The following UMAD1 variants were observed in gnomAD, a reference collection of about 807,000 sequenced individuals.
UMAD1 encodes the protein UBAP1-MVB12-associated (UMA)-domain containing protein 1.
In UMAD1, 8 loss-of-function variants were observed where a neutral mutation model predicts 6.1. The observed-to-expected ratio is 1.30, with a 90% CI of 0.76 to 2.35. UMAD1 has a LOEUF of 2.35. UMAD1 is among the 30% of genes most tolerant of loss of function. The pLI is 0.00. For synonymous variants in UMAD1, 56 were observed against 31.4 expected, an observed-to-expected ratio of 1.78 and a Z score of -2.61; for missense variants, 130 against 78.4, an observed-to-expected ratio of 1.66 and a Z score of -2.49.
intron 1 of UMAD1, among the ~76,000 whole-genome samples, chr7:7,653,136 T>C (rs28916271): frequency 0.064 from 9,711 of 152,314 alleles, 412 homozygotes; most frequent in Middle Eastern, 0.13. Flanking sequence ...CTGAATTCTT[T>C]TGCAGGGTGT....
intron 2 of UMAD1, among the ~76,000 whole-genome samples, chr7:7,704,907 A>G (rs1441402555): frequency 5.3e-5 from 8 of 152,140 alleles, no homozygotes; most frequent in Non-Finnish European, 1.5e-5. Context: ...AAATAGGCCT[A>G]GAAGATGGGC....
At chr7:7,817,755 C>G (rs1207057824) in intron 3 of UMAD1, among the ~76,000 whole-genome samples, 2 of 152,138 alleles carry the variant, frequency 1.3e-5, no homozygotes, top group Non-Finnish European at 2.9e-5. Flanking sequence ...GCATCCGTTC[C>G]TGACTAAAGA....
chr7:7,731,571 C>T (rs1016199730), intron 2 of UMAD1, among the ~76,000 whole-genome samples: 3 of 150,420 alleles, frequency 2.0e-5, no homozygotes, highest in East Asian at 1.9e-4. Context: ...AGAATTATGC[C>T]AAAGACTCAT....
chr7:7,673,253 G>T, intron 1 of UMAD1, 56 bp from the exon 2 acceptor site: 1 of 1,012,392 alleles, frequency 9.9e-7, no homozygotes, highest in Non-Finnish European at 1.5e-6. Context: ...TGCTAAAAAG[G>T]GTAAGAGTTT....
intron 2 of UMAD1, among the ~76,000 whole-genome samples, chr7:7,732,493 G>C (rs192694456): frequency 6.6e-6 from 1 of 152,170 alleles, no homozygotes; most frequent in Admixed American, 6.5e-5. Flanking sequence ...TTGTATTTAT[G>C]ACAGAAAAAA....
chr7:7,804,832 T>G (rs1343996765), intron 3 of UMAD1, among the ~76,000 whole-genome samples: 1 of 151,156 alleles, frequency 6.6e-6, no homozygotes, highest in African/African-American at 2.4e-5. Flanking sequence ...ATACAAAAAA[T>G]TAGCTGGGCA....
intron 2 of UMAD1, among the ~76,000 whole-genome samples, chr7:7,713,312 C>T (rs1295249346): frequency 6.6e-6 from 1 of 151,992 alleles, no homozygotes; most frequent in Non-Finnish European, 1.5e-5. Context: ...CCACTGCACT[C>T]CAGCCTGGGT....
intron 3 of UMAD1, among the ~76,000 whole-genome samples, chr7:7,847,490 T>C (rs1394568431): frequency 1.3e-5 from 2 of 151,992 alleles, no homozygotes; most frequent in African/African-American, 4.8e-5. Context: ...CAGATTTCAG[T>C]TGAAACCTCC....
At chr7:7,872,704 A>G (rs1377671297) in intron 3 of UMAD1, among the ~76,000 whole-genome samples, 1 of 152,248 alleles carries the variant, frequency 6.6e-6, no homozygotes, top group African/African-American at 2.4e-5. Flanking sequence ...ACCGTAAAGC[A>G]AAGTGCAATA....
At chr7:7,797,356 A>G (rs980594423) in intron 2 of UMAD1, among the ~76,000 whole-genome samples, 1 of 152,206 alleles carries the variant, frequency 6.6e-6, no homozygotes, top group African/African-American at 2.4e-5. Flanking sequence ...GAGGGGACAC[A>G]CATCCAAATC....
intron 2 of UMAD1, among the ~76,000 whole-genome samples, chr7:7,726,715 C>G (rs1045366508): frequency 3.9e-5 from 6 of 152,092 alleles, no homozygotes; most frequent in Admixed American, 3.9e-4. Context: ...ATGTTAGTTC[C>G]AGAGGGAGAA....
At chr7:7,809,747 A>G (rs1347548759) in intron 3 of UMAD1, among the ~76,000 whole-genome samples, 1 of 152,046 alleles carries the variant, frequency 6.6e-6, no homozygotes, top group East Asian at 1.9e-4. Flanking sequence ...TGAAAAAAGT[A>G]TGAGATGCAC....
intron 2 of UMAD1, among the ~76,000 whole-genome samples, chr7:7,675,099 A>C (rs1017115612): frequency 6.6e-6 from 1 of 152,174 alleles, no homozygotes; most frequent in African/African-American, 2.4e-5. Context: ...TCCTGGCCTC[A>C]AGCAATCTTC....
At chr7:7,685,181 C>T (rs1780012566) in intron 2 of UMAD1, among the ~76,000 whole-genome samples, 1 of 152,048 alleles carries the variant, frequency 6.6e-6, no homozygotes, top group South Asian at 2.1e-4. Flanking sequence ...GAATGTCTTT[C>T]TGGTAATCTT....
intron 2 of UMAD1, among the ~76,000 whole-genome samples, chr7:7,679,622 T>C (rs1468082771): frequency 1.9e-5 from 1 of 52,212 alleles, no homozygotes; most frequent in East Asian, 5.1e-4. Context: ...TAGATAAATA[T>C]ATATTTATAT....
At chr7:7,721,561 A>T (rs1017315094) in intron 2 of UMAD1, among the ~76,000 whole-genome samples, 3 of 152,216 alleles carry the variant, frequency 2.0e-5, no homozygotes, top group African/African-American at 7.2e-5. Flanking sequence ...AATATGGAGG[A>T]GACTTTTGTC....
chr7:7,761,460 C>G (rs1367074816), intron 2 of UMAD1, among the ~76,000 whole-genome samples: 1 of 151,686 alleles, frequency 6.6e-6, no homozygotes, highest in African/African-American at 2.4e-5. Context: ...TGACTGCCAT[C>G]TGCTGGAAAA....
chr7:7,641,864 C>G (rs1232736007), intron 1 of UMAD1, among the ~76,000 whole-genome samples: 2 of 152,162 alleles, frequency 1.3e-5, no homozygotes, highest in Admixed American at 6.5e-5. Flanking sequence ...AGATTGGAAT[C>G]TCATGTACGA....
intron 1 of UMAD1, among the ~76,000 whole-genome samples, chr7:7,662,045 G>C (rs534191186): frequency 6.6e-6 from 1 of 152,184 alleles, no homozygotes; most frequent in African/African-American, 2.4e-5. Context: ...TGGCTACAGC[G>C]GCTTTGCTGA....
Sources: gnomAD v4.1 joint callset for allele counts (sites outside exome capture counted in the v4.1 genomes callset) on GRCh38, gnomAD v4.1.1 for gene constraint, MANE v1.5 for transcripts, NCBI Gene and HGNC (gene_info 2026-07-23, HGNC 2026-07-21) for gene names.